Variants in PLEKHA5 observed in about 807,000 individuals in gnomAD.
PLEKHA5 encodes the protein pleckstrin homology domain-containing family A member 5.
Under a neutral mutation model 181.9 loss-of-function variants are expected in PLEKHA5, and 55 were observed. That is an observed-to-expected ratio of 0.30 (90% confidence interval 0.24 to 0.38). The LOEUF (loss-of-function observed/expected upper bound fraction) is 0.38. PLEKHA5 is among the 10% of genes least tolerant of loss of function. The pLI is 1.00. For synonymous variants in PLEKHA5, 535 were observed against 529.4 expected, an observed-to-expected ratio of 1.01 and a Z score of -0.15; for missense variants, 1,432 against 1,549.5, an observed-to-expected ratio of 0.92 and a Z score of 1.27.
intron 22 of PLEKHA5, among the ~76,000 whole-genome samples, chr12:19,344,993 G>A (rs916049776): frequency 2.0e-5 from 3 of 151,118 alleles, no homozygotes; most frequent in African/African-American, 4.9e-5. Flanking sequence ...GTGGTGGTAC[G>A]CACCTGTGGT....
At chr12:19,221,781 GACAA>G (rs1025883354) in intron 3 of PLEKHA5, among the ~76,000 whole-genome samples, 1 of 152,084 alleles carries the variant, frequency 6.6e-6, no homozygotes, top group Non-Finnish European at 1.5e-5. Flanking sequence ...TAAGACGAAA[GACAA>G]ACAAAACTAC....
intron 25 of PLEKHA5, among the ~76,000 whole-genome samples, chr12:19,353,120 T>C (rs935029964): frequency 5.3e-5 from 8 of 151,644 alleles, no homozygotes; most frequent in African/African-American, 9.7e-5. Context: ...GGTGGTATCA[T>C]TGACTGACTT....
intron 15 of PLEKHA5, among the ~76,000 whole-genome samples, chr12:19,293,348 A>T (rs1565577598): frequency 6.6e-6 from 1 of 152,162 alleles, no homozygotes; most frequent in Non-Finnish European, 1.5e-5. Context: ...TTTCCACAAA[A>T]CATTTTCATC....
At chr12:19,268,350 T>C (rs541921720) in intron 8 of PLEKHA5, among the ~76,000 whole-genome samples, 5 of 152,330 alleles carry the variant, frequency 3.3e-5, no homozygotes, top group African/African-American at 1.2e-4. Flanking sequence ...GACTTTTTTC[T>C]GCGTTTTTAG....
intron 3 of PLEKHA5, among the ~76,000 whole-genome samples, chr12:19,180,433 T>C (rs2048284815): frequency 6.6e-6 from 1 of 151,858 alleles, no homozygotes; most frequent in South Asian, 2.1e-4. Context: ...CACAGAAAAA[T>C]AATAAAAATG....
At chr12:19,173,404 C>A (rs1045363658) in intron 3 of PLEKHA5, among the ~76,000 whole-genome samples, 2 of 151,928 alleles carry the variant, frequency 1.3e-5, no homozygotes, top group Non-Finnish European at 2.9e-5. Flanking sequence ...GCTTTAATTT[C>A]TTTTTATTGC....
At chr12:19,238,525 T>G (rs2061802065) in intron 3 of PLEKHA5, among the ~76,000 whole-genome samples, 1 of 152,124 alleles carries the variant, frequency 6.6e-6, no homozygotes, top group African/African-American at 2.4e-5. Context: ...CCAACTAAGA[T>G]TCTACCCAAT....
At position 19,272,977 on chromosome 12, in the gene PLEKHA5, G is replaced by C. The variant is rs577156632; in HGVS notation, c.846-1539G>C. Among the ~76,000 whole-genome samples, 10 of 152,274 alleles carry C rather than the reference G, an allele frequency of 6.6e-5. No individual in the cohort carries two copies. The East Asian group carries it at 1.7e-3, about 26-fold the overall frequency. On this transcript the variant is annotated intron_variant, in intron 10 of 31. Coordinates refer to ENST00000429027, the MANE Select transcript of PLEKHA5 (RefSeq NM_001256470.2). ...GCTGGAGTGCAGTGGCACGATCTCA[G>C]CTCACTCCAAACTCTGCCTCTCAGG...
rs2093742323 is a variant in PLEKHA5, at chr12:19,340,136, G to A, written c.2551-3187G>A. Among the ~76,000 whole-genome samples, 3 of 152,110 alleles carry A rather than the reference G, an allele frequency of 2.0e-5. 1 individual carries two copies. In the South Asian group the frequency reaches 6.2e-4, roughly 31 times the overall value. The stretch of plus-strand genomic sequence containing the variant: ...ACAGAGTAAAAAGATGACCTACTGG[G>A]AGGATGTATGTTTTACCTCAAAAAT... On this transcript the variant is annotated intron_variant, in intron 21 of 31. Coordinates refer to ENST00000429027, the MANE Select transcript of PLEKHA5 (RefSeq NM_001256470.2).
At position 19,314,853 on chromosome 12, in the gene PLEKHA5, A is replaced by G. The variant is rs187152562; in HGVS notation, c.2077A>G (p.Met693Val). Residue 693 changes from methionine (M) to valine (V), a missense_variant, in exon 16 of 32, where the codon ATG becomes GTG. Met to Val is a conservative substitution (Grantham distance 21). This residue lies in a region of PLEKHA5 where 1,143 missense variants were observed against 1,168.4 expected (regional missense o/e 0.98). Coordinates refer to ENST00000429027, the MANE Select transcript of PLEKHA5 (RefSeq NM_001256470.2). ...NEPIITMVHT[M>V]IENSALRPQL... is the part of the protein sequence containing the mutation. ...ACCTATTATCACCATGGTTCACACAATGATTGAGAACTCGGCGCTAAGACC... is the reference window on the plus strand; with the variant it reads ...ACCTATTATCACCATGGTTCACACAGTGATTGAGAACTCGGCGCTAAGACC... The G allele has an allele frequency of 9.2e-5, 142 of 1,548,692 alleles. 1 individual carries two copies. Among genetic ancestry groups the G allele is most frequent in the East Asian group, 8.6e-4 (35 of 40,884 alleles).
chr12:19,251,739 C>CAA (rs374276545), intron 3 of PLEKHA5, among the ~76,000 whole-genome samples: 1,932 of 63,592 alleles, frequency 0.03, 7 homozygotes, highest in Middle Eastern at 0.042. Flanking sequence ...GAGGCCCATC[C>CAA]AAAAAAAAAA....
In PLEKHA5 at chr12:19,327,165, A is replaced by G. The variant is rs541681007; in HGVS notation, c.2448+4498A>G. On this transcript the variant is annotated intron_variant, in intron 20 of 31. Coordinates refer to ENST00000429027, the MANE Select transcript of PLEKHA5 (RefSeq NM_001256470.2). Reference sequence around the variant, plus strand: ...TTGAGAAATCTCCAAACTGCTGTCCATAGTGGCTGAACTAATTTATATCTC... The same window carrying G: ...TTGAGAAATCTCCAAACTGCTGTCCGTAGTGGCTGAACTAATTTATATCTC... Among the ~76,000 whole-genome samples the G allele has an allele frequency of 1.4e-4, 21 of 152,004 alleles. No individual in the cohort carries two copies. The South Asian group carries it at 4.1e-3, about 30-fold the overall frequency.
At chr12:19,349,648 T>C (rs1645967094) in intron 25 of PLEKHA5, among the ~76,000 whole-genome samples, 1 of 151,678 alleles carries the variant, frequency 6.6e-6, no homozygotes. Flanking sequence ...GGCTAACGCC[T>C]GTAATCCCAG....
intron 16 of PLEKHA5, among the ~76,000 whole-genome samples, chr12:19,317,694 TGCC>T (rs1369572628): frequency 1.1e-4 from 17 of 150,806 alleles, no homozygotes; most frequent in South Asian, 4.2e-4. Flanking sequence ...TTTGTTTTAA[TGCC>T]AAGACAGTTT....
chr12:19,337,042 C>T (rs1219353978), intron 21 of PLEKHA5, among the ~76,000 whole-genome samples: 2 of 132,348 alleles, frequency 1.5e-5, no homozygotes, highest in African/African-American at 3.0e-5. Context: ...GGCTGGAGTG[C>T]AATGGCGCGA....
intron 15 of PLEKHA5, among the ~76,000 whole-genome samples, chr12:19,300,475 A>G (rs915376237): frequency 2.0e-5 from 3 of 152,212 alleles, no homozygotes; most frequent in Non-Finnish European, 4.4e-5. Context: ...TCATTATACC[A>G]GGCTTTGCTT....
intron 3 of PLEKHA5, among the ~76,000 whole-genome samples, chr12:19,137,965 G>A (rs1343129578): frequency 6.6e-6 from 1 of 152,152 alleles, no homozygotes; most frequent in Non-Finnish European, 1.5e-5. Context: ...ATTTGTCAAG[G>A]GACTTTTTCT....
chr12:19,234,009 A>AAG (rs1298129672), intron 3 of PLEKHA5, among the ~76,000 whole-genome samples: 1 of 152,242 alleles, frequency 6.6e-6, no homozygotes, highest in African/African-American at 2.4e-5. Context: ...CATCAGTGAC[A>AAG]TTTGGGGAAA....
chr12:19,221,011 C>T (rs2058854022), intron 3 of PLEKHA5, among the ~76,000 whole-genome samples: 1 of 152,162 alleles, frequency 6.6e-6, no homozygotes. Context: ...GCCATACCAA[C>T]TGCTGGCAAG....
Sources: gnomAD v4.1 joint callset for allele counts (sites outside exome capture counted in the v4.1 genomes callset) on GRCh38, gnomAD v4.1.1 for gene constraint, gnomAD v4.1.1 regional missense constraint, MANE v1.5 for transcripts, NCBI Gene and HGNC (gene_info 2026-07-23, HGNC 2026-07-21) for gene names.